The following GPHN variants were observed in gnomAD, a reference collection of about 807,000 sequenced individuals.
GPHN encodes gephyrin.
A neutral mutation model predicts 95.5 loss-of-function variants in GPHN; 17 were observed. The observed-to-expected ratio is 0.18, with a 90% CI of 0.12 to 0.27. The LOEUF is 0.27. GPHN is among the 10% of genes least tolerant of loss of function. The pLI is 1.00. For synonymous variants in GPHN, 320 were observed against 322.5 expected (o/e 0.99, Z 0.08); for missense variants, 660 against 978.1 (o/e 0.67, Z 4.34).
the GPHN span, among the ~76,000 whole-genome samples, chr14:67,273,480 C>G: frequency 6.6e-6 from 1 of 152,130 alleles, no homozygotes; most frequent in Non-Finnish European, 1.5e-5. Flanking sequence ...GCATAGTATT[C>G]CATGGTGTAT....
chr14:66,826,839 C>T (rs2153494848), intron 4 of GPHN, among the ~76,000 whole-genome samples: 1 of 152,248 alleles, frequency 6.6e-6, no homozygotes, highest in Non-Finnish European at 1.5e-5. Flanking sequence ...TTTTATGGAG[C>T]TCAGTCTCCA....
At chr14:66,571,846 C>T (rs1485118095) in intron 1 of GPHN, among the ~76,000 whole-genome samples, 1 of 152,054 alleles carries the variant, frequency 6.6e-6, no homozygotes, top group Non-Finnish European at 1.5e-5. Flanking sequence ...AATACCATTC[C>T]CTGGACCAAT....
chr14:66,848,327 G>A (rs2062424356), intron 4 of GPHN, among the ~76,000 whole-genome samples: 4 of 151,914 alleles, frequency 2.6e-5, no homozygotes, highest in Admixed American at 2.6e-4. Context: ...CTTAAGCAGA[G>A]GTCCTCAAAG....
the GPHN span, among the ~76,000 whole-genome samples, chr14:67,528,577 G>C: frequency 2.6e-5 from 4 of 152,140 alleles, no homozygotes; most frequent in African/African-American, 9.7e-5. Flanking sequence ...ATCTAGAATT[G>C]CAGTCAGATG....
At chr14:66,888,323 A>G (rs1251562677) in intron 5 of GPHN, among the ~76,000 whole-genome samples, 1 of 152,124 alleles carries the variant, frequency 6.6e-6, no homozygotes, top group African/African-American at 2.4e-5. Context: ...GGGGAAAAAA[A>G]CTCCCTATCT....
intron 1 of GPHN, among the ~76,000 whole-genome samples, chr14:66,590,669 A>G (rs950655601): frequency 6.6e-6 from 1 of 152,176 alleles, no homozygotes; most frequent in African/African-American, 2.4e-5. Flanking sequence ...TTAATAGCCT[A>G]CCAACCAAAA....
intron 2 of GPHN, among the ~76,000 whole-genome samples, chr14:66,683,394 GTTCA>G (rs372854090): frequency 1.2e-5 from 1 of 84,530 alleles, no homozygotes; most frequent in African/African-American, 1.2e-4. Context: ...ATATATATAT[GTTCA>G]TATATATATA....
intron 16 of GPHN, among the ~76,000 whole-genome samples, chr14:67,116,761 AAT>A (rs1358537924): frequency 6.6e-6 from 1 of 152,206 alleles, no homozygotes; most frequent in East Asian, 1.9e-4. Flanking sequence ...TTTCTAATAC[AAT>A]TTGTAAACCT....
chr14:67,193,712 A>G, the GPHN span, among the ~76,000 whole-genome samples: 46,376 of 146,800 alleles, frequency 0.32, 11,496 homozygotes, highest in African/African-American at 0.67. Context: ...GGAGGCCAAA[A>G]CAGGTGGATC....
chr14:67,486,506 C>A, the GPHN span, among the ~76,000 whole-genome samples: 4 of 152,140 alleles, frequency 2.6e-5, no homozygotes, highest in Non-Finnish European at 4.4e-5. Flanking sequence ...ATCTGTTGAC[C>A]TTGCGATCCA....
At chr14:67,199,307 C>G in the GPHN span, 2 of 1,608,520 alleles carry the variant, frequency 1.2e-6, no homozygotes, top group Non-Finnish European at 1.7e-6. Context: ...CTATGGGAAG[C>G]CAATACGGGT....
chr14:67,067,660 G>A (rs1246790709), intron 11 of GPHN, among the ~76,000 whole-genome samples: 3 of 152,162 alleles, frequency 2.0e-5, no homozygotes, highest in Non-Finnish European at 4.4e-5. Flanking sequence ...CTCAGCAATG[G>A]TGGATGCCCC....
chr14:67,725,232 CT>C, the GPHN span: 1 of 1,613,588 alleles, frequency 6.2e-7, no homozygotes, highest in Non-Finnish European at 8.5e-7. Flanking sequence ...CTATCCGAGC[CT>C]TTGCTGAGGG....
At position 67,167,703 on chromosome 14, in the gene GPHN, A is replaced by G. The variant is rs7144993; in HGVS notation, c.1976-1230A>G. Among the ~76,000 whole-genome samples, 608 of 152,320 alleles carry G rather than the reference A, an allele frequency of 4.0e-3. 2 individuals are homozygous for G. Among genetic ancestry groups the G allele is most frequent in the African/African-American group, 0.014 (573 of 41,576 alleles). On this transcript the variant is annotated intron_variant, in intron 20 of 22. Transcript: ENST00000478722. The stretch of plus-strand genomic sequence containing the variant: ...ATTCCCCACTCCAGGTTATACATTC[A>G]TGCTTACATAGAACTGTATAAAAGT...
chr14:67,127,277 A>T (rs1181524087), intron 17 of GPHN, among the ~76,000 whole-genome samples: 1 of 151,958 alleles, frequency 6.6e-6, no homozygotes, highest in South Asian at 2.1e-4. Context: ...TGGCTTTGCA[A>T]TTTAGGCTGC....
chr14:66,789,632 A>G (rs888718633), intron 3 of GPHN, among the ~76,000 whole-genome samples: 2 of 152,174 alleles, frequency 1.3e-5, no homozygotes, highest in African/African-American at 4.8e-5. Flanking sequence ...TCATTTTTAT[A>G]CTGAATCCTG....
chr14:67,662,505 T>C, the GPHN span: 6 of 1,612,104 alleles, frequency 3.7e-6, no homozygotes, highest in Middle Eastern at 1.7e-4. Flanking sequence ...TTGCTTTTCA[T>C]CAAAATCCCT....
At chr14:66,942,548 T>C (rs1175059935) in intron 8 of GPHN, among the ~76,000 whole-genome samples, 2 of 152,192 alleles carry the variant, frequency 1.3e-5, no homozygotes, top group African/African-American at 4.8e-5. Context: ...AGAATCACCA[T>C]TGACAGAGAA....
chr14:67,001,247 G>T (rs1022766493), intron 9 of GPHN, among the ~76,000 whole-genome samples: 31 of 151,538 alleles, frequency 2.0e-4, no homozygotes, highest in African/African-American at 7.2e-4. Flanking sequence ...ACACAGATTA[G>T]CTTATCATCA....
Sources: allele counts gnomAD v4.1 joint callset (sites outside exome capture counted in the v4.1 genomes callset), GRCh38; gene constraint gnomAD v4.1.1; transcripts MANE v1.5; gene names NCBI Gene and HGNC (gene_info 2026-07-23, HGNC 2026-07-21).